Variants in ATRNL1 observed in about 807,000 individuals in gnomAD.
ATRNL1 encodes the protein attractin like 1.
A neutral mutation model predicts 182.7 loss-of-function variants in ATRNL1; 95 were observed. That is an observed-to-expected ratio of 0.52 (90% CI 0.44 to 0.62). The LOEUF is 0.62. Among genes scored for constraint, ATRNL1 ranks in the 20% least tolerant of loss-of-function variants. The pLI, the probability that ATRNL1 is intolerant of heterozygous loss-of-function variation, is 0.00. For synonymous variants in ATRNL1, 576 were observed against 568.3 expected (o/e 1.01, Z -0.19); for missense variants, 1,471 against 1,679.5 (o/e 0.88, Z 2.17).
intron 19 of ATRNL1, among the ~76,000 whole-genome samples, chr10:115,364,689 A>C (rs34297653): frequency 6.7e-6 from 1 of 150,270 alleles, no homozygotes; most frequent in Non-Finnish European, 1.5e-5. Context: ...TTTGAGATAC[A>C]TCCCATCAAT....
chr10:115,917,027 G>C (rs1952877924), intron 28 of ATRNL1, among the ~76,000 whole-genome samples: 1 of 152,180 alleles, frequency 6.6e-6, no homozygotes, highest in Non-Finnish European at 1.5e-5. Context: ...GCTATATACA[G>C]CCTTACAGGT....
intron 24 of ATRNL1, among the ~76,000 whole-genome samples, chr10:115,486,479 GCATTTC>G (rs1554975184): frequency 7.9e-5 from 12 of 151,962 alleles, no homozygotes; most frequent in Non-Finnish European, 1.3e-4. Context: ...GTTTTGATTT[GCATTTC>G]TCTAATCACC....
intron 26 of ATRNL1, among the ~76,000 whole-genome samples, chr10:115,692,905 A>G (rs1201198476): frequency 6.6e-6 from 1 of 152,024 alleles, no homozygotes; most frequent in Non-Finnish European, 1.5e-5. Flanking sequence ...AGTAAAGGAG[A>G]GTCCTTGTTT....
chr10:115,717,249 T>A (rs1947280773), intron 26 of ATRNL1, among the ~76,000 whole-genome samples: 1 of 152,200 alleles, frequency 6.6e-6, no homozygotes, highest in South Asian at 2.1e-4. Flanking sequence ...CTATTTCTTG[T>A]GCCATTTTGT....
Position 115,935,929 on chromosome 10 carries a change from T to TCC in ATRNL1, c.4019-8729_4019-8728insCC, listed in dbSNP as rs571720596. Among the ~76,000 whole-genome samples, 179 of 152,328 alleles carry TCC rather than the reference T, an allele frequency of 1.2e-3. 1 individual carries two copies. The highest frequency in any genetic ancestry group is 2.1e-3 in the Non-Finnish European group (140 of 68,022). On this transcript the variant is annotated intron_variant, in intron 28 of 28. Transcript: ENST00000355044. ...AGTCATGTGTTTCCTCATGGGCAAA[T>TCC]TCTCAATTTCATCATCCCAGGCATC... is the stretch of plus-strand genomic sequence containing the variant.
intron 27 of ATRNL1, among the ~76,000 whole-genome samples, chr10:115,816,653 A>G (rs551874961): frequency 6.6e-6 from 1 of 151,882 alleles, no homozygotes; most frequent in African/African-American, 2.4e-5. Flanking sequence ...AAGGAAGAAA[A>G]CAGCCTTACC....
intron 27 of ATRNL1, among the ~76,000 whole-genome samples, chr10:115,846,824 C>T (rs1274816881): frequency 6.6e-6 from 1 of 152,058 alleles, no homozygotes; most frequent in Non-Finnish European, 1.5e-5. Flanking sequence ...CAGGAGGCAG[C>T]CTGCCTGAGC....
intron 27 of ATRNL1, among the ~76,000 whole-genome samples, chr10:115,792,892 A>C (rs1949563265): frequency 1.3e-5 from 2 of 151,996 alleles, no homozygotes; most frequent in African/African-American, 4.8e-5. Context: ...GTTTGAAAAA[A>C]AAATCATTCT....
At chr10:115,218,301 A>T (rs577698359) in intron 9 of ATRNL1, among the ~76,000 whole-genome samples, 5 of 152,096 alleles carry the variant, frequency 3.3e-5, no homozygotes, top group African/African-American at 1.2e-4. Flanking sequence ...CGAAGACAGG[A>T]TGCTGGAAAT....
intron 26 of ATRNL1, among the ~76,000 whole-genome samples, chr10:115,582,891 A>C (rs1468762326): frequency 2.7e-5 from 4 of 150,854 alleles, no homozygotes; most frequent in Non-Finnish European, 5.9e-5. Context: ...CTAACGTTTA[A>C]GTCTTTAATC....
At chr10:115,924,301 T>C (rs1301318616) in intron 28 of ATRNL1, among the ~76,000 whole-genome samples, 2 of 152,228 alleles carry the variant, frequency 1.3e-5, no homozygotes, top group African/African-American at 2.4e-5. Flanking sequence ...GCTTTTGACA[T>C]TTCTGTCATG....
In ATRNL1 at chr10:115,460,465, T is replaced by C. The variant is rs193073134; in HGVS notation, c.3323-1476T>C. On this transcript the variant is annotated intron_variant, in intron 21 of 28. Coordinates refer to ENST00000355044, the MANE Select transcript of ATRNL1 (RefSeq NM_207303.4). ...CTTTCTTAAAAAGGCTGCATTCTTT[T>C]ATAGCTAATCCTGTTTGCTGTACCT... Among the ~76,000 whole-genome samples the C allele has an allele frequency of 1.2e-4, 18 of 152,272 alleles. No individual in the cohort carries two copies. In the South Asian group the frequency reaches 1.7e-3, roughly 14 times the overall value.
chr10:115,443,580 A>G (rs1489063062), intron 21 of ATRNL1, among the ~76,000 whole-genome samples: 1 of 151,864 alleles, frequency 6.6e-6, no homozygotes, highest in African/African-American at 2.4e-5. Flanking sequence ...AAACATACTG[A>G]TATCCCCCTC....
At chr10:115,895,093 G>A (rs1400187801) in intron 28 of ATRNL1, among the ~76,000 whole-genome samples, 5 of 152,124 alleles carry the variant, frequency 3.3e-5, no homozygotes, top group Admixed American at 6.5e-5. Context: ...CAAAAGCTTC[G>A]TATTTTAAGT....
At chr10:115,173,236 G>T (rs1433542467) in intron 8 of ATRNL1, among the ~76,000 whole-genome samples, 2 of 151,886 alleles carry the variant, frequency 1.3e-5, no homozygotes, top group Non-Finnish European at 2.9e-5. Flanking sequence ...TTTGAAATGG[G>T]CCCAGGAGTT....
chr10:115,230,755 A>T (rs1849889532), intron 9 of ATRNL1, among the ~76,000 whole-genome samples: 1 of 152,048 alleles, frequency 6.6e-6, no homozygotes. Flanking sequence ...AGATGATGGT[A>T]TCTGGAACCA....
intron 10 of ATRNL1, among the ~76,000 whole-genome samples, chr10:115,248,881 A>G (rs1314915166): frequency 6.6e-6 from 1 of 152,194 alleles, no homozygotes; most frequent in Non-Finnish European, 1.5e-5. Context: ...AATGGCTAAT[A>G]TAGGTTTTTC....
chr10:115,599,976 T>C (rs139508037), intron 26 of ATRNL1, among the ~76,000 whole-genome samples: 106 of 152,214 alleles, frequency 7.0e-4, no homozygotes, highest in African/African-American at 2.4e-3. Context: ...CCCTTTTCAT[T>C]CACTCCTCAC....
At chr10:115,826,749 C>T (rs1555092129) in intron 27 of ATRNL1, among the ~76,000 whole-genome samples, 1 of 152,036 alleles carries the variant, frequency 6.6e-6, no homozygotes, top group Non-Finnish European at 1.5e-5. Flanking sequence ...GTTTTTTATG[C>T]ATTTGGAATG....
Sources: allele counts gnomAD v4.1 joint callset (sites outside exome capture counted in the v4.1 genomes callset), GRCh38; gene constraint gnomAD v4.1.1; transcripts MANE v1.5; gene names NCBI Gene and HGNC (gene_info 2026-07-23, HGNC 2026-07-21).